Variants in CDC5L observed in about 807,000 individuals in gnomAD.
The protein encoded by CDC5L is cell division cycle 5 like.
CDC5L carries 18 observed loss-of-function variants against 104.1 expected under a neutral mutation model. That is an observed-to-expected ratio of 0.17 (90% CI 0.12 to 0.26). The LOEUF is 0.26. CDC5L is among the 10% of genes least tolerant of loss of function. CDC5L has a pLI of 1.00. For synonymous variants in CDC5L, 331 were observed against 322.7 expected (o/e 1.03, Z -0.28); for missense variants, 673 against 956.9 (o/e 0.70, Z 3.91).
rs1363562258 is a variant in CDC5L at position 44,403,975 on chromosome 6, G to A, written c.706G>A (p.Asp236Asn). ...DTSEENYQAL[D>N]ADFRKLRQQD... ...TTCTGAGGAAAACTACCAAGCTCTT[G>A]ACGCAGATTTCAGGAAATTAAGACA... is the stretch of plus-strand genomic sequence containing the variant. The change falls in exon 6 of 16, where the codon GAC (aspartate) becomes AAC (asparagine). Residue 236 changes from aspartate to asparagine, a missense_variant. Around this residue, in one of 4 missense-constraint regions of CDC5L, gnomAD observed 578 missense variants for 737.0 expected, o/e 0.78. Coordinates refer to ENST00000371477, the MANE Select transcript of CDC5L (RefSeq NM_001253.4). 50 of 1,613,312 alleles carry A rather than the reference G, an allele frequency of 3.1e-5. No homozygotes were observed. Among genetic ancestry groups the A allele is most frequent in the Non-Finnish European group, 4.2e-5 (50 of 1,179,866 alleles).
chr6:44,446,968 C>T lies in CDC5L; in HGVS notation c.*257C>T, dbSNP rs1240319955. The T allele has an allele frequency of 3.9e-6, 1 of 253,606 alleles. No homozygotes were observed. Among genetic ancestry groups the T allele is most frequent in the African/African-American group, 2.2e-5 (1 of 44,874 alleles). 15.7% of individuals were successfully genotyped at this position (253,606 alleles called of 1,614,324 possible). A position where few individuals can be genotyped will look rare whatever the true frequency, so the allele number is the denominator to read the frequency against. ...ATTTGCAAACTTTTTTAGTTTTGGC[C>T]TTTAATTTAAAAAGCCTAATTTTAA... is the stretch of plus-strand genomic sequence containing the variant. On this transcript the variant is annotated 3_prime_UTR_variant, in exon 16 of 16. Transcript: ENST00000371477.
chr6:44,397,380 T>C (rs1790917800), intron 5 of CDC5L, among the ~76,000 whole-genome samples: 2 of 152,256 alleles, frequency 1.3e-5, no homozygotes, highest in African/African-American at 4.8e-5. Flanking sequence ...ACCCGTTGGG[T>C]GAATAATAAT....
At chr6:44,413,120 A>G (rs954192357) in intron 8 of CDC5L, among the ~76,000 whole-genome samples, 22 of 152,172 alleles carry the variant, frequency 1.4e-4, no homozygotes, top group Admixed American at 1.2e-3. Context: ...AAGAAAACCC[A>G]TACCCATTAG....
At chr6:44,443,013 T>C (rs891178527) in intron 14 of CDC5L, among the ~76,000 whole-genome samples, 1 of 152,056 alleles carries the variant, frequency 6.6e-6, no homozygotes, top group South Asian at 2.1e-4. Context: ...TTGGCAGTTT[T>C]TTTTTCTCTC....
At chr6:44,411,637 A>AGAGAGAGTGTGTGTGTGTGTGT in intron 8 of CDC5L, among the ~76,000 whole-genome samples, 60 of 123,746 alleles carry the variant, frequency 4.8e-4, no homozygotes, top group African/African-American at 1.7e-3. Context: ...AGAGAGAGAG[A>AGAGAGAGTGTGTGTGTGTGTGT]GTGTGTGTGT....
chr6:44,429,729 T>C lies in CDC5L; in HGVS notation c.1910T>C (p.Val637Ala). 6.2e-7 allele frequency: 1 copy of C among 1,613,928 alleles called. No individual in the cohort carries two copies. The highest frequency in any genetic ancestry group is 8.5e-7 in the Non-Finnish European group (1 of 1,179,814). The change falls in exon 14 of 16, where the codon GTG becomes GCG. Residue 637 changes from valine to alanine, a missense_variant. This residue lies in a region of CDC5L where 578 missense variants were observed against 737.0 expected (regional missense o/e 0.78). Coordinates refer to ENST00000371477, the MANE Select transcript of CDC5L (RefSeq NM_001253.4). ...EELKKAQDVL[V>A]QEMEVVKQGM... ...TGTAAACAGGCCCAGGATGTTTTGG[T>C]GCAGGAGATGGAAGTGGTTAAACAA...
intron 6 of CDC5L, among the ~76,000 whole-genome samples, chr6:44,404,518 G>C (rs906623656): frequency 1.3e-5 from 2 of 152,106 alleles, no homozygotes; most frequent in South Asian, 4.1e-4. Flanking sequence ...AGGGACTGTG[G>C]CTATCACGTT....
intron 2 of CDC5L, 55 bp from the exon 3 acceptor site, chr6:44,392,612 T>C (rs1300223463): frequency 1.3e-6 from 2 of 1,500,968 alleles, no homozygotes; most frequent in Non-Finnish European, 1.8e-6. Context: ...ATTGTGCAAA[T>C]TGGATATTTA....
chr6:44,420,076 A>G (rs1055370965), intron 9 of CDC5L, among the ~76,000 whole-genome samples: 9 of 152,144 alleles, frequency 5.9e-5, no homozygotes, highest in Non-Finnish European at 1.2e-4. Context: ...TGTATGTATT[A>G]CTATTGCTTT....
chr6:44,413,651 A>G lies in CDC5L; in HGVS notation c.1092+5019A>G, dbSNP rs1394114241. ...CAGGCTGGAGTGCAGTGGTGCAGTCATGGCTCACCGAAGCCTTGACCTCTT... is the reference window on the plus strand; with the variant it reads ...CAGGCTGGAGTGCAGTGGTGCAGTCGTGGCTCACCGAAGCCTTGACCTCTT... On this transcript the variant is annotated intron_variant, in intron 8 of 15. Transcript: ENST00000371477. Among the ~76,000 whole-genome samples, 3 of 152,070 alleles carry G rather than the reference A, an allele frequency of 2.0e-5. No individual in the cohort carries two copies. The East Asian group carries it at 5.8e-4, about 29-fold the overall frequency.
intron 5 of CDC5L, 46 bp from the exon 6 acceptor site, chr6:44,403,761 CCT>C (rs1406962950): frequency 1.6e-6 from 2 of 1,279,822 alleles, no homozygotes; most frequent in African/African-American, 3.0e-5. Context: ...ATAATTTATC[CCT>C]GTCACATGGC....
At chr6:44,427,737 A>G (rs1232917650) in intron 13 of CDC5L, among the ~76,000 whole-genome samples, 1 of 152,196 alleles carries the variant, frequency 6.6e-6, no homozygotes, top group Non-Finnish European at 1.5e-5. Flanking sequence ...TCTGTCGAGC[A>G]CATTTAATCA....
In CDC5L at chr6:44,411,608, C is replaced by CAGAGAGAGAGAGAGAGAGAG. The variant is rs1292898511; in HGVS notation, c.1092+2987_1092+3006dup. On this transcript the variant is annotated intron_variant, in intron 8 of 15. Transcript: ENST00000371477. ...TGTTTTTTGTAAATCCTGTGAGAGA[C>CAGAGAGAGAGAGAGAGAGAG]AGAGAGAGAGAGAGAGAGAGAGAGA... 2.2e-5 allele frequency among the ~76,000 whole-genome samples: 3 copies of CAGAGAGAGAGAGAGAGAGAG among 135,440 alleles called. 1 individual carries two copies. The highest frequency in any genetic ancestry group is 6.9e-4 in the East Asian group (2 of 2,902). 88.9% of individuals were successfully genotyped at this position (135,440 alleles called of 152,430 possible). A position where few individuals can be genotyped will look rare whatever the true frequency, so the allele number is the denominator to read the frequency against.
intron 5 of CDC5L, among the ~76,000 whole-genome samples, chr6:44,399,803 G>A (rs543000888): frequency 2.8e-4 from 43 of 151,982 alleles, no homozygotes; most frequent in African/African-American, 1.0e-3. Flanking sequence ...ACAGGTGCCC[G>A]CCACCACACC....
intron 2 of CDC5L, among the ~76,000 whole-genome samples, 165 bp from the exon 3 acceptor site, chr6:44,392,502 G>C (rs1004841938): frequency 5.3e-5 from 8 of 152,124 alleles, no homozygotes; most frequent in Admixed American, 6.5e-5. Context: ...GATGAGATGG[G>C]GAATATTGAC....
At chr6:44,411,568 A>G (rs2153378716) in intron 8 of CDC5L, among the ~76,000 whole-genome samples, 1 of 151,526 alleles carries the variant, frequency 6.6e-6, no homozygotes, top group East Asian at 2.0e-4. Context: ...CTCTCTTCAG[A>G]GAGTAAAGCC....
In CDC5L at chr6:44,440,663, C is replaced by T. The variant is rs9369490; in HGVS notation, c.2092-4992C>T. Among the ~76,000 whole-genome samples, 434 of 151,924 alleles carry T rather than the reference C, an allele frequency of 2.9e-3. 9 individuals carry two copies. The East Asian group carries it at 0.061, about 21-fold the overall frequency. On this transcript the variant is annotated intron_variant, in intron 14 of 15. Coordinates refer to ENST00000371477, the MANE Select transcript of CDC5L (RefSeq NM_001253.4). ...AAATCAGCTAATTAACATATTAATC[C>T]CCTCAAATACATACCACTTCTTTGT...
chr6:44,409,033 G>C lies in CDC5L; in HGVS notation c.1092+401G>C, dbSNP rs147852500. Among the ~76,000 whole-genome samples the C allele has an allele frequency of 2.1e-3, 319 of 152,308 alleles. 4 individuals are homozygous for C. The highest frequency in any genetic ancestry group is 7.4e-3 in the African/African-American group (309 of 41,554). Reference sequence around the variant, plus strand: ...TTCCCTCTCTCTAACACGTGGGGTAGACACAGCTTTGTGTGTTCCCAGGGT... The same window carrying C: ...TTCCCTCTCTCTAACACGTGGGGTACACACAGCTTTGTGTGTTCCCAGGGT... On this transcript the variant is annotated intron_variant, in intron 8 of 15. Transcript: ENST00000371477.
At chr6:44,431,172 T>A (rs548501867) in intron 14 of CDC5L, among the ~76,000 whole-genome samples, 1 of 152,310 alleles carries the variant, frequency 6.6e-6, no homozygotes, top group South Asian at 2.1e-4. Context: ...TAAGATCACA[T>A]ATATATAGGT....
Sources: gnomAD v4.1 joint callset for allele counts (sites outside exome capture counted in the v4.1 genomes callset) on GRCh38, gnomAD v4.1.1 for gene constraint, gnomAD v4.1.1 regional missense constraint, MANE v1.5 for transcripts, NCBI Gene and HGNC (gene_info 2026-07-23, HGNC 2026-07-21) for gene names.